Variants in FAM149A observed in about 807,000 individuals in gnomAD.
The protein encoded by FAM149A is protein FAM149A.
A neutral mutation model predicts 78.2 loss-of-function variants in FAM149A; 71 were observed. The ratio of observed to expected loss-of-function variants is 0.91; its 90% CI spans 0.75 to 1.11. FAM149A has a LOEUF of 1.11. FAM149A is among the 50% of genes least tolerant of loss of function. The pLI is 0.00. For missense variants in FAM149A, 1,036 were observed against 971.0 expected, an observed-to-expected ratio of 1.07 and a Z score of -0.89; for synonymous variants, 446 against 410.5, an observed-to-expected ratio of 1.09 and a Z score of -1.04.
At chr4:186,130,293 C>CTCTATATATATATATATA in intron 1 of FAM149A, 1 of 46,588 alleles carries the variant, frequency 2.1e-5, no homozygotes, top group South Asian at 1.1e-3. Flanking sequence ...CTCTCTCTCT[C>CTCTATATATATATATATA]TATATATATA....
rs537707800 is a variant in FAM149A, at chr4:186,118,084, A to T, written c.566+12442A>T. On this transcript the variant is annotated intron_variant, in intron 1 of 13. Transcript: ENST00000389354. ...GGGCCAGGCACGGGGCTGGACATTC[A>T]TGGTGGAATATGGCAGGAAGTTAAG... The T allele has an allele frequency of 4.1e-6, 4 of 985,450 alleles. No homozygotes were observed. In the East Asian group the frequency reaches 3.4e-4, roughly 84 times the overall value. 61.0% of individuals were successfully genotyped at this position (985,450 alleles called of 1,614,324 possible). A position where few individuals can be genotyped will look rare whatever the true frequency, so the allele number is the denominator to read the frequency against.
At chr4:186,128,902 C>T (rs114184842) in intron 1 of FAM149A, among the ~76,000 whole-genome samples, 6 of 149,992 alleles carry the variant, frequency 4.0e-5, no homozygotes, top group Non-Finnish European at 8.9e-5. Flanking sequence ...GTGTGTGTGT[C>T]TGGGTATGCG....
At chr4:186,138,195 A>G (rs1319338390) in intron 1 of FAM149A, among the ~76,000 whole-genome samples, 1 of 152,134 alleles carries the variant, frequency 6.6e-6, no homozygotes, top group Non-Finnish European at 1.5e-5. Flanking sequence ...CCAGAGTACT[A>G]TTCAGGGTTT....
Position 186,165,899 on chromosome 4 carries a change from G to A in FAM149A, c.2010+435G>A, listed in dbSNP as rs185562084. 3.2e-3 allele frequency among the ~76,000 whole-genome samples: 485 copies of A among 152,294 alleles called. 3 individuals carry two copies. The highest frequency in any genetic ancestry group is 5.5e-3 in the Admixed American group (84 of 15,302). ...TAATGATTCTTACCTCTAAAGAATT[G>A]TTAGAAGGACAAAATGAACTCATAG... On this transcript the variant is annotated intron_variant, in intron 11 of 13. Transcript: ENST00000389354.
At chr4:186,168,691 G>A (rs1200297331) in intron 13 of FAM149A, among the ~76,000 whole-genome samples, 1 of 152,216 alleles carries the variant, frequency 6.6e-6, no homozygotes, top group Admixed American at 6.5e-5. Flanking sequence ...AGGTGCTTGG[G>A]GGGAAGTAGG....
Position 186,144,838 on chromosome 4 carries a change from G to C in FAM149A, c.567-4335G>C, listed in dbSNP as rs1266067510. On this transcript the variant is annotated intron_variant, in intron 1 of 13. Transcript: ENST00000389354. This position sits in a 1 kb window ranked among gnomAD's most constrained non-coding sequence, Gnocchi z 4.2. ...GAGGGGAGGCGGCGCCGGCGCGGGC[G>C]GGGCGGAGGATCTGGAGAGGGAAGG... 1 of 981,840 alleles carries C rather than the reference G, an allele frequency of 1.0e-6. No individual in the cohort carries two copies. Among genetic ancestry groups the C allele is most frequent in the African/African-American group, 1.8e-5 (1 of 55,916 alleles). The allele number at this position is 981,840 out of a possible 1,614,324, so 60.8% of individuals were successfully genotyped here.
intron 1 of FAM149A, among the ~76,000 whole-genome samples, chr4:186,142,084 G>C (rs964802075): frequency 6.6e-6 from 1 of 152,126 alleles, no homozygotes; most frequent in Non-Finnish European, 1.5e-5. Flanking sequence ...AGGAAGTCTC[G>C]GTAGAAGCAA....
intron 1 of FAM149A, among the ~76,000 whole-genome samples, chr4:186,139,960 G>A (rs1010046073): frequency 1.3e-5 from 2 of 151,934 alleles, no homozygotes; most frequent in African/African-American, 2.4e-5. Flanking sequence ...AAAATGAACT[G>A]GTTTAATACT....
At chr4:186,146,160 C>T (rs550092362) in intron 1 of FAM149A, among the ~76,000 whole-genome samples, 4 of 152,234 alleles carry the variant, frequency 2.6e-5, no homozygotes, top group Non-Finnish European at 2.9e-5. Flanking sequence ...CATTGAGTTA[C>T]GGACTTAAAT....
Position 186,104,894 on chromosome 4 carries a change from C to T in FAM149A, c.-183C>T, listed in dbSNP as rs1250632654. The T allele has an allele frequency of 1.1e-6, 1 of 907,808 alleles. No individual in the cohort carries two copies. The highest frequency in any genetic ancestry group is 1.3e-6 in the Non-Finnish European group (1 of 759,194). 56.2% of individuals were successfully genotyped at this position (907,808 alleles called of 1,614,324 possible). A position where few individuals can be genotyped will look rare whatever the true frequency, so the allele number is the denominator to read the frequency against. On this transcript the variant is annotated 5_prime_UTR_variant, in exon 1 of 14. Transcript: ENST00000389354. ...GGGCGCTCGGCGGACGGACCCGGGCCGGGGAAGGGCGACCCCAGCGGCGCG... is the reference window on the plus strand; with the variant it reads ...GGGCGCTCGGCGGACGGACCCGGGCTGGGGAAGGGCGACCCCAGCGGCGCG...
chr4:186,150,969 C>T (rs879400119), intron 3 of FAM149A: 1 of 931,098 alleles, frequency 1.1e-6, no homozygotes, highest in Non-Finnish European at 1.3e-6. Context: ...ATCCGCCTGC[C>T]TGGGCCTCCC....
chr4:186,160,106 ACAC>A (rs1465647820), intron 8 of FAM149A, among the ~76,000 whole-genome samples: 2 of 140,908 alleles, frequency 1.4e-5, no homozygotes, highest in Non-Finnish European at 3.1e-5. Flanking sequence ...CACACTACAC[ACAC>A]CACGCACACA....
chr4:186,111,231 T>A (rs2099311146), intron 1 of FAM149A, among the ~76,000 whole-genome samples: 1 of 151,764 alleles, frequency 6.6e-6, no homozygotes, highest in Non-Finnish European at 1.5e-5. Flanking sequence ...CACCCACTTT[T>A]TGATGGGGTT....
chr4:186,133,293 A>C, intron 1 of FAM149A: 1 of 706,976 alleles, frequency 1.4e-6, no homozygotes, highest in Non-Finnish European at 1.7e-6. Flanking sequence ...CACCACCGCC[A>C]TCCATCTCCA....
chr4:186,143,401 T>TACACAC (rs754911741), intron 1 of FAM149A, among the ~76,000 whole-genome samples: 7 of 151,312 alleles, frequency 4.6e-5, no homozygotes, highest in African/African-American at 1.2e-4. Flanking sequence ...TAGATATGTA[T>TACACAC]ACACATACAC....
At position 186,111,213 on chromosome 4, in the gene FAM149A, A is replaced by C. The variant is rs375392724; in HGVS notation, c.566+5571A>C. Among the ~76,000 whole-genome samples, 24 of 151,022 alleles carry C rather than the reference A, an allele frequency of 1.6e-4. No individual in the cohort carries two copies. In the East Asian group the frequency reaches 3.5e-3, roughly 22 times the overall value. ...GTCTTCTTTTGAGAAGTGTCTGTTC[A>C]TGTCCTTCACCCACTTTTTGATGGG... On this transcript the variant is annotated intron_variant, in intron 1 of 13. Transcript: ENST00000389354.
chr4:186,155,021 C>G (rs10014983), intron 6 of FAM149A: 602,492 of 827,900 alleles, frequency 0.73, 220,157 homozygotes, highest in Non-Finnish European at 0.74. Context: ...AGAGTGCAGC[C>G]GTGCGAGCTC....
rs536549740 is a variant in FAM149A, at chr4:186,116,487, T to C, written c.566+10845T>C. The C allele has an allele frequency of 1.0e-5, 10 of 985,142 alleles. No homozygotes were observed. In the African/African-American group the frequency reaches 1.7e-4, roughly 17 times the overall value. 61.0% of individuals were successfully genotyped at this position (985,142 alleles called of 1,614,324 possible). On this transcript the variant is annotated intron_variant, in intron 1 of 13. Coordinates refer to ENST00000389354, the MANE Select transcript of FAM149A (RefSeq NM_001367768.3). ...CATTAAAGATAATAATGAATTCAACTTGGTTTTCCATATCGAGTATTTGCT... is the reference window on the plus strand; with the variant it reads ...CATTAAAGATAATAATGAATTCAACCTGGTTTTCCATATCGAGTATTTGCT...
At chr4:186,160,374 TAC>T (rs922176640) in intron 8 of FAM149A, among the ~76,000 whole-genome samples, 9 of 103,664 alleles carry the variant, frequency 8.7e-5, no homozygotes, top group South Asian at 6.7e-4. Context: ...ACATACCACA[TAC>T]ACACACACCA....
Sources: allele counts gnomAD v4.1 joint callset (sites outside exome capture counted in the v4.1 genomes callset), GRCh38; gene constraint gnomAD v4.1.1; non-coding constraint Gnocchi (gnomAD v3.1); transcripts MANE v1.5; gene names NCBI Gene and HGNC (gene_info 2026-07-23, HGNC 2026-07-21).